Variants in PTBP1 observed in about 807,000 individuals in gnomAD.
The protein encoded by PTBP1 is polypyrimidine tract binding protein 1, also known as polypyrimidine tract-binding protein 1.
A neutral mutation model predicts 59.8 loss-of-function variants in PTBP1; 8 were observed. The observed-to-expected ratio is 0.13, with a 90% CI of 0.08 to 0.24. The LOEUF is 0.24. PTBP1 is among the 10% of genes least tolerant of loss of function. The pLI, the probability that PTBP1 is intolerant of heterozygous loss-of-function variation, is 1.00. For missense variants in PTBP1, 686 were observed against 767.0 expected (o/e 0.89, Z 1.25); for synonymous variants, 490 against 320.7 (o/e 1.53, Z -5.64).
chr19:805,403 G>T, intron 8 of PTBP1, 89 bp from the exon 9 acceptor site: 2 of 1,379,676 alleles, frequency 1.4e-6, no homozygotes, highest in Non-Finnish European at 2.0e-6. Flanking sequence ...GGGGCCGCCC[G>T]CCGGCCGGGT....
chr19:806,621 G>C (rs549932344), intron 10 of PTBP1, 65 bp downstream of exon 10: 2 of 1,412,638 alleles, frequency 1.4e-6, no homozygotes, highest in Non-Finnish European at 9.3e-7. Flanking sequence ...TGTTGTGCTC[G>C]GGCTCGGGTC....
At position 812,084 on chromosome 19, in the gene PTBP1, C is replaced by G. The variant is rs1214892986; in HGVS notation, c.*1258C>G. On this transcript the variant is annotated 3_prime_UTR_variant, in exon 15 of 15. Coordinates refer to ENST00000356948, the MANE Select transcript of PTBP1 (RefSeq NM_002819.5). The stretch of plus-strand genomic sequence containing the variant: ...GGCGGCGCGGTTTTTTATGGTGACA[C>G]AAATGTATATTTTGCTAACAGCAAT... 2 of 152,364 alleles carry G rather than the reference C, an allele frequency of 1.3e-5. No homozygotes were observed. Among genetic ancestry groups the G allele is most frequent in the Non-Finnish European group, 2.9e-5 (2 of 68,052 alleles). 9.4% of individuals were successfully genotyped at this position (152,364 alleles called of 1,614,324 possible).
chr19:811,174 T>G lies in PTBP1; in HGVS notation c.*348T>G. The G allele has an allele frequency of 1.6e-5, 3 of 187,348 alleles. No homozygotes were observed. Among genetic ancestry groups the G allele is most frequent in the Non-Finnish European group, 2.2e-5 (2 of 91,390 alleles). The allele number at this position is 187,348 out of a possible 1,614,324, so 11.6% of individuals were successfully genotyped here. On this transcript the variant is annotated 3_prime_UTR_variant, in exon 15 of 15. Transcript: ENST00000356948. Reference sequence around the variant, plus strand: ...TTCCTTGTGCCTTAAAAAACCTGCCTTCCTGCAGCCACACACCCACCCGGG... The same window carrying G: ...TTCCTTGTGCCTTAAAAAACCTGCCGTCCTGCAGCCACACACCCACCCGGG...
rs1466983249 is a variant in PTBP1 at position 808,180 on chromosome 19, T to C, written c.1154-180T>C. ...CCTGTCCTGGATGCTATGACTTTGCTGAACGGAGCTGCTCCTGTTAGCGCG... is the reference window on the plus strand; with the variant it reads ...CCTGTCCTGGATGCTATGACTTTGCCGAACGGAGCTGCTCCTGTTAGCGCG... On this transcript the variant is annotated intron_variant, in intron 11 of 14. Transcript: ENST00000356948. This position sits in a 1 kb window ranked among gnomAD's most constrained non-coding sequence, Gnocchi z 4.7. 4 of 648,302 alleles carry C rather than the reference T, an allele frequency of 6.2e-6. No homozygotes were observed. The East Asian group carries it at 1.1e-4, about 18-fold the overall frequency. The allele number at this position is 648,302 out of a possible 1,614,324, so 40.2% of individuals were successfully genotyped here.
chr19:803,718 C>T (rs770135777), intron 3 of PTBP1, 82 bp downstream of exon 3: 23 of 1,269,912 alleles, frequency 1.8e-5, no homozygotes, highest in Non-Finnish European at 2.3e-5. Flanking sequence ...TGGGACTCTA[C>T]TTTCCATCTC....
chr19:810,396 A>G (rs959908630), intron 13 of PTBP1, 147 bp from the exon 14 acceptor site: 4 of 631,114 alleles, frequency 6.3e-6, no homozygotes, highest in African/African-American at 1.9e-5. Context: ...CATTGTGGAC[A>G]TGATTTGATA....
intron 1 of PTBP1, 59 bp downstream of exon 1, chr19:797,564 C>A: frequency 7.9e-7 from 1 of 1,268,704 alleles, no homozygotes; most frequent in Admixed American, 4.1e-5. Flanking sequence ...CCTGCCCCCG[C>A]CGCCGCGCCG....
chr19:797,933 A>AGCGCGCGTGCGCGGCCGCCATCGGGG (rs1568260140), intron 1 of PTBP1, among the ~76,000 whole-genome samples: 1 of 147,048 alleles, frequency 6.8e-6, no homozygotes, highest in Non-Finnish European at 1.5e-5. Context: ...CGTTGGCCCC[A>AGCGCGCGTGCGCGGCCGCCATCGGGG]GCGCGCGTGC....
chr19:809,398 G>A (rs1262225867), intron 13 of PTBP1, among the ~76,000 whole-genome samples: 2 of 151,918 alleles, frequency 1.3e-5, no homozygotes, highest in South Asian at 4.2e-4. Flanking sequence ...ATCTCTGCAA[G>A]TTCTGCCTCC....
chr19:804,746 C>G (rs750745080), intron 6 of PTBP1, 44 bp downstream of exon 6: 1 of 1,609,776 alleles, frequency 6.2e-7, no homozygotes, highest in East Asian at 2.2e-5. Context: ...GCTGCTATTG[C>G]TGTGGGCACA....
In PTBP1 at chr19:799,405, C is replaced by T; in HGVS notation, c.9-8C>T. On this transcript the variant is annotated splice_polypyrimidine_tract_variant and splice_region_variant and intron_variant, in intron 1 of 14. Coordinates refer to ENST00000356948, the MANE Select transcript of PTBP1 (RefSeq NM_002819.5). ...GGCTAACGTTGTCTCCTTTCTTTCT[C>T]TCTACAGCATTGTCCCAGATATAGC... 1 of 1,613,820 alleles carries T rather than the reference C, an allele frequency of 6.2e-7. No individual in the cohort carries two copies. The highest frequency in any genetic ancestry group is 8.5e-7 in the Non-Finnish European group (1 of 1,179,834).
intron 1 of PTBP1, 126 bp from the exon 2 acceptor site, chr19:799,287 C>A: frequency 1.1e-6 from 1 of 870,932 alleles, no homozygotes; most frequent in Non-Finnish European, 2.0e-6. Flanking sequence ...CTCGTGCAGC[C>A]AGAGGGAGCC....
Position 805,511 on chromosome 19 carries a change from A to C in PTBP1, c.912A>C (p.Ser304=), listed in dbSNP as rs2034525367. The C allele has an allele frequency of 6.2e-7, 1 of 1,613,536 alleles. No homozygotes were observed. The highest frequency in any genetic ancestry group is 8.5e-7 in the Non-Finnish European group (1 of 1,179,580). ...AAAFGAPGII[S]ASPYAGAGFP... is the part of the protein sequence containing the mutation. ...TTCTAGGTGCACCTGGTATAATCTC[A>C]GCCTCTCCGTATGCAGGAGCTGGTT... is the stretch of plus-strand genomic sequence containing the variant. The change falls in exon 9 of 15, where the codon TCA becomes TCC. Residue 304 remains serine, a synonymous_variant. Transcript: ENST00000356948.
intron 8 of PTBP1, 82 bp from the exon 9 acceptor site, chr19:805,410 G>A (rs907709950): frequency 1.2e-4 from 165 of 1,413,348 alleles, no homozygotes; most frequent in South Asian, 1.9e-4. Flanking sequence ...CCCGCCGGCC[G>A]GGTTGGGGCC....
intron 3 of PTBP1, 119 bp from the exon 4 acceptor site, chr19:803,917 A>G: frequency 2.5e-6 from 3 of 1,219,352 alleles, no homozygotes; most frequent in Non-Finnish European, 2.3e-6. Flanking sequence ...GTTCACATGC[A>G]CCCTCCTGGG....
In PTBP1 at chr19:799,410, C is replaced by T; in HGVS notation, c.9-3C>T. The T allele has an allele frequency of 1.2e-6, 2 of 1,613,814 alleles. No individual in the cohort carries two copies. Among genetic ancestry groups the T allele is most frequent in the Non-Finnish European group, 1.7e-6 (2 of 1,179,824 alleles). ...ACGTTGTCTCCTTTCTTTCTCTCTA[C>T]AGCATTGTCCCAGATATAGCCGTTG... On this transcript the variant is annotated splice_polypyrimidine_tract_variant and splice_region_variant and intron_variant, in intron 1 of 14. Coordinates refer to ENST00000356948, the MANE Select transcript of PTBP1 (RefSeq NM_002819.5).
Position 812,033 on chromosome 19 carries a change from T to A in PTBP1, c.*1207T>A, listed in dbSNP as rs980479414. On this transcript the variant is annotated 3_prime_UTR_variant, in exon 15 of 15. Transcript: ENST00000356948. Reference sequence around the variant, plus strand: ...AAGGGTGTAAATATTTATAATTTTTTATACCTGTTGTGAGACCCGAGGGGC... The same window carrying A: ...AAGGGTGTAAATATTTATAATTTTTAATACCTGTTGTGAGACCCGAGGGGC... The A allele has an allele frequency of 6.6e-6, 1 of 152,392 alleles. No individual in the cohort carries two copies. The highest frequency in any genetic ancestry group is 1.5e-5 in the Non-Finnish European group (1 of 68,030). The allele number at this position is 152,392 out of a possible 1,614,324, so 9.4% of individuals were successfully genotyped here. A position where few individuals can be genotyped will look rare whatever the true frequency, so the allele number is the denominator to read the frequency against.
At chr19:806,845 C>T (rs998466547) in intron 10 of PTBP1, 6 of 302,656 alleles carry the variant, frequency 2.0e-5, no homozygotes, top group East Asian at 1.8e-4. Context: ...GAGCAGGGCG[C>T]GCAGTTCAGA....
chr19:806,216 C>G (rs548897800), intron 9 of PTBP1, 192 bp from the exon 10 acceptor site: 1 of 537,506 alleles, frequency 1.9e-6, no homozygotes, highest in Non-Finnish European at 3.1e-6. Context: ...GAGAGGCGGG[C>G]GCTGGTGCAG....
Sources: allele counts gnomAD v4.1 joint callset (sites outside exome capture counted in the v4.1 genomes callset), GRCh38; gene constraint gnomAD v4.1.1; non-coding constraint Gnocchi (gnomAD v3.1); transcripts MANE v1.5; gene names NCBI Gene and HGNC (gene_info 2026-07-23, HGNC 2026-07-21).